Variants in DCLK2 observed in about 807,000 individuals in gnomAD.
DCLK2 encodes the protein doublecortin like kinase 2, also known as serine/threonine-protein kinase DCLK2.
DCLK2 carries 31 observed loss-of-function variants against 78.4 expected under a neutral mutation model. The observed-to-expected ratio is 0.40, with a 90% CI of 0.30 to 0.53. DCLK2 has a LOEUF of 0.53. DCLK2 is among the 20% of genes least tolerant of loss of function. The pLI, the probability that DCLK2 is intolerant of heterozygous loss-of-function variation, is 0.61. For synonymous variants in DCLK2, 407 were observed against 374.9 expected (o/e 1.09, Z -0.99); for missense variants, 872 against 973.7 (o/e 0.90, Z 1.39).
intron 1 of DCLK2, among the ~76,000 whole-genome samples, chr4:150,088,389 C>T (rs1484266496): frequency 1.5e-5 from 2 of 130,888 alleles, no homozygotes; most frequent in Admixed American, 7.5e-5. Flanking sequence ...TGGTGGTGGT[C>T]CTCAGCTTTT....
rs574160038 is a variant in DCLK2 at position 150,127,265 on chromosome 4, G to A, written c.756+24453G>A. Among the ~76,000 whole-genome samples, 18 of 152,228 alleles carry A rather than the reference G, an allele frequency of 1.2e-4. No homozygotes were observed. In the South Asian group the frequency reaches 1.5e-3, roughly 12 times the overall value. Reference sequence around the variant, plus strand: ...CTTGTTTCTCATCATACTTTCACCCGTTAATGTTGGTATCCACTCATGGTT... The same window carrying A: ...CTTGTTTCTCATCATACTTTCACCCATTAATGTTGGTATCCACTCATGGTT... On this transcript the variant is annotated intron_variant, in intron 2 of 15. Transcript: ENST00000296550.
intron 8 of DCLK2, among the ~76,000 whole-genome samples, chr4:150,231,745 A>G (rs538907124): frequency 1.3e-5 from 2 of 152,340 alleles, no homozygotes; most frequent in South Asian, 4.1e-4. Flanking sequence ...ATGTTTTCAG[A>G]TTTCTGAAAT....
chr4:150,217,251 G>A (rs1388051879), intron 5 of DCLK2, among the ~76,000 whole-genome samples: 2 of 152,172 alleles, frequency 1.3e-5, no homozygotes, highest in Admixed American at 1.3e-4. Flanking sequence ...TATTTCCTCT[G>A]TTTTCATTGC....
intron 1 of DCLK2, 73 bp downstream of exon 1, chr4:150,079,521 C>T (rs1729086736): frequency 1.4e-6 from 2 of 1,383,536 alleles, no homozygotes; most frequent in African/African-American, 1.5e-5. Context: ...GCCGGCGCAG[C>T]GGGGAGCCCG....
At chr4:150,174,660 G>C (rs1736813360) in intron 2 of DCLK2, among the ~76,000 whole-genome samples, 1 of 151,720 alleles carries the variant, frequency 6.6e-6, no homozygotes, top group South Asian at 2.1e-4. Context: ...CCACTTTTCT[G>C]AATAAATCAC....
chr4:150,087,967 A>G (rs966000704), intron 1 of DCLK2, among the ~76,000 whole-genome samples: 1 of 152,184 alleles, frequency 6.6e-6, no homozygotes, highest in Non-Finnish European at 1.5e-5. Context: ...GGTGAATGGG[A>G]CTAGCAGCCA....
intron 2 of DCLK2, among the ~76,000 whole-genome samples, chr4:150,150,860 C>T (rs1734837541): frequency 6.6e-6 from 1 of 152,212 alleles, no homozygotes; most frequent in Admixed American, 6.5e-5. Context: ...GGAACTTTCT[C>T]CAGCTGAAAT....
At chr4:150,145,834 A>G (rs1734431874) in intron 2 of DCLK2, among the ~76,000 whole-genome samples, 1 of 152,220 alleles carries the variant, frequency 6.6e-6, no homozygotes, top group Non-Finnish European at 1.5e-5. Context: ...TTTCTTCTGT[A>G]ATAACTCACA....
At chr4:150,247,425 A>C (rs967200688) in intron 12 of DCLK2, among the ~76,000 whole-genome samples, 178 bp from the exon 13 acceptor site, 1 of 152,148 alleles carries the variant, frequency 6.6e-6, no homozygotes, top group Non-Finnish European at 1.5e-5. Flanking sequence ...TCTTTGGCTC[A>C]TTATCTAAAA....
At chr4:150,117,404 C>G (rs1732172732) in intron 2 of DCLK2, among the ~76,000 whole-genome samples, 2 of 152,208 alleles carry the variant, frequency 1.3e-5, no homozygotes, top group African/African-American at 4.8e-5. Context: ...GGCTTTCAGG[C>G]TATGCCCTTC....
intron 15 of DCLK2, chr4:150,253,990 G>T (rs1028382593): frequency 3.6e-6 from 3 of 843,326 alleles, no homozygotes; most frequent in African/African-American, 1.8e-5. Context: ...AATGGGTGAG[G>T]CCTTGGTTTC....
chr4:150,079,136 T>G lies in DCLK2; in HGVS notation c.109T>G (p.Ser37Ala), dbSNP rs201132155. Reference protein sequence around the residue: ...APSSSGGSSSSGPKGNGLIPS... With the variant: ...APSSSGGSSSAGPKGNGLIPS... ...CAGCTCCTCCGGGGGCAGCAGCAGCTCGGGCCCCAAGGGGAACGGGCTCAT... is the reference window on the plus strand; with the variant it reads ...CAGCTCCTCCGGGGGCAGCAGCAGCGCGGGCCCCAAGGGGAACGGGCTCAT... The change falls in exon 1 of 16, where the codon TCG (serine) becomes GCG (alanine). Residue 37 changes from serine to alanine, a missense_variant. By Grantham distance (99) the Ser-to-Ala change is moderately conservative. Around this residue, in one of 3 missense-constraint regions of DCLK2, gnomAD observed 567 missense variants for 593.4 expected, o/e 0.96. Coordinates refer to ENST00000296550, the MANE Select transcript of DCLK2 (RefSeq NM_001040260.4). 3 of 1,589,822 alleles carry G rather than the reference T, an allele frequency of 1.9e-6. No individual in the cohort carries two copies. The highest frequency in any genetic ancestry group is 2.6e-6 in the Non-Finnish European group (3 of 1,168,786).
chr4:150,096,103 C>T (rs572649508), intron 1 of DCLK2, among the ~76,000 whole-genome samples: 7 of 152,292 alleles, frequency 4.6e-5, no homozygotes, highest in African/African-American at 1.7e-4. Flanking sequence ...GGGCTCTTTA[C>T]TACTCTAATC....
chr4:150,109,896 G>A (rs1731542424), intron 2 of DCLK2, among the ~76,000 whole-genome samples: 1 of 152,142 alleles, frequency 6.6e-6, no homozygotes, highest in Non-Finnish European at 1.5e-5. Flanking sequence ...AACAAAAGGT[G>A]GAGGGAGGTA....
intron 12 of DCLK2, among the ~76,000 whole-genome samples, chr4:150,246,668 C>T (rs936885971): frequency 9.1e-6 from 1 of 109,698 alleles, no homozygotes; most frequent in Non-Finnish European, 2.1e-5. Flanking sequence ...GCCATCGATG[C>T]ACCCACCAAG....
rs148378939 is a variant in DCLK2, at chr4:150,125,023, T to C, written c.756+22211T>C. Among the ~76,000 whole-genome samples the C allele has an allele frequency of 2.7e-3, 408 of 152,322 alleles. 2 individuals carry two copies. Among genetic ancestry groups the C allele is most frequent in the African/African-American group, 9.7e-3 (402 of 41,578 alleles). On this transcript the variant is annotated intron_variant, in intron 2 of 15. Transcript: ENST00000296550. ...CATTATGAGACAAGTTTCACACAGG[T>C]ACAGTGACAAATGCCATTAGAGATG...
chr4:150,229,897 G>T lies in DCLK2; in HGVS notation c.1300-2440G>T, dbSNP rs111730677. On this transcript the variant is annotated intron_variant, in intron 8 of 15. Coordinates refer to ENST00000296550, the MANE Select transcript of DCLK2 (RefSeq NM_001040260.4). ...TATTATATTTAGAAATATTCTCTTG[G>T]AAAATTTAGTCTAGAGAGCATTTTT... is the stretch of plus-strand genomic sequence containing the variant. Among the ~76,000 whole-genome samples, 852 of 152,232 alleles carry T rather than the reference G, an allele frequency of 5.6e-3. 6 individuals carry two copies. The highest frequency in any genetic ancestry group is 0.019 in the African/African-American group (804 of 41,524).
intron 5 of DCLK2, among the ~76,000 whole-genome samples, chr4:150,213,053 C>T (rs1030129383): frequency 4.6e-5 from 7 of 152,342 alleles, no homozygotes; most frequent in Middle Eastern, 3.4e-3. Flanking sequence ...GGTCACACCA[C>T]CTGTCTGTTG....
chr4:150,231,460 G>A (rs936721359), intron 8 of DCLK2, among the ~76,000 whole-genome samples: 1 of 152,152 alleles, frequency 6.6e-6, no homozygotes, highest in Non-Finnish European at 1.5e-5. Context: ...TCCAGCTATT[G>A]TCCAAAAGGG....
Sources: gnomAD v4.1 joint callset for allele counts (sites outside exome capture counted in the v4.1 genomes callset) on GRCh38, gnomAD v4.1.1 for gene constraint, gnomAD v4.1.1 regional missense constraint, MANE v1.5 for transcripts, NCBI Gene and HGNC (gene_info 2026-07-23, HGNC 2026-07-21) for gene names.